Variants in HS2ST1 observed in about 807,000 individuals in gnomAD.
HS2ST1 encodes the protein 2-O-sulfotransferase.
Under a neutral mutation model 42.9 loss-of-function variants are expected in HS2ST1, and 18 were observed. That is an observed-to-expected ratio of 0.42 (90% CI 0.29 to 0.62). The LOEUF (loss-of-function observed/expected upper bound fraction) is 0.62, where lower values mean the gene tolerates loss of function less well. Among genes scored for constraint, HS2ST1 ranks in the 20% least tolerant of loss-of-function variants. HS2ST1 has a pLI of 0.21. For missense variants in HS2ST1, 334 were observed against 433.8 expected (o/e 0.77, Z 2.04); for synonymous variants, 146 against 152.9 (o/e 0.95, Z 0.33).
At chr1:87,019,194 G>A (rs1006651373) in intron 1 of HS2ST1, among the ~76,000 whole-genome samples, 1 of 152,192 alleles carries the variant, frequency 6.6e-6, no homozygotes, top group African/African-American at 2.4e-5. Flanking sequence ...GCTTATCACT[G>A]TATAGTACTT....
chr1:87,104,611 C>T lies in HS2ST1; in HGVS notation c.986C>T (p.Ala329Val). 1 of 1,613,318 alleles carries T rather than the reference C, an allele frequency of 6.2e-7. No homozygotes were observed. Among genetic ancestry groups the T allele is most frequent in the Middle Eastern group, 1.7e-4 (1 of 6,060 alleles). The change falls in exon 7 of 7, where the codon GCC (alanine) becomes GTC (valine). Residue 329 changes from alanine (A) to valine (V), a missense_variant. Physicochemically the swap from Ala to Val is moderately conservative, Grantham distance 64. Coordinates refer to ENST00000370550, the MANE Select transcript of HS2ST1 (RefSeq NM_012262.4). ...CTAGAGCAGTTCCAATTCATCAGAG[C>T]CCATGCCGTTCGAGAAAAAGATGGA... ...FALEQFQFIR[A>V]HAVREKDGDL... is the part of the protein sequence containing the mutation.
intron 1 of HS2ST1, among the ~76,000 whole-genome samples, chr1:86,935,985 A>G (rs540622226): frequency 6.6e-6 from 1 of 152,332 alleles, no homozygotes; most frequent in South Asian, 2.1e-4. Flanking sequence ...GATACTATTA[A>G]TTAAACTATA....
Position 86,954,654 on chromosome 1 carries a change from C to CAA in HS2ST1, c.124+39496_124+39497dup, listed in dbSNP as rs753965006. Among the ~76,000 whole-genome samples the CAA allele has an allele frequency of 5.7e-4, 87 of 152,226 alleles. 1 individual carries two copies. The highest frequency in any genetic ancestry group is 1.9e-3 in the Admixed American group (29 of 15,282). ...ATTCATTGGTTAGAATTGGCTAAGTCAAAGCACCAGTCTGTTTTGTTCCAC... is the reference window on the plus strand; with the variant it reads ...ATTCATTGGTTAGAATTGGCTAAGTCAAAAAGCACCAGTCTGTTTTGTTCCAC... On this transcript the variant is annotated intron_variant, in intron 1 of 6. Transcript: ENST00000370550.
chr1:86,963,569 C>G (rs1647920969), intron 1 of HS2ST1, among the ~76,000 whole-genome samples: 1 of 152,238 alleles, frequency 6.6e-6, no homozygotes, highest in African/African-American at 2.4e-5. Context: ...TACACAGACA[C>G]AGCAATAATC....
At chr1:86,993,839 G>T (rs1272378732) in intron 1 of HS2ST1, among the ~76,000 whole-genome samples, 1 of 152,098 alleles carries the variant, frequency 6.6e-6, no homozygotes, top group Non-Finnish European at 1.5e-5. Flanking sequence ...AGACAAAAAA[G>T]ATTTATCTTC....
rs185564086 is a variant in HS2ST1 at position 87,096,550 on chromosome 1, T to C, written c.589-1288T>C. Among the ~76,000 whole-genome samples, 5 of 152,362 alleles carry C rather than the reference T, an allele frequency of 3.3e-5. No homozygotes were observed. The East Asian group carries it at 5.8e-4, about 18-fold the overall frequency. ...TGCTTGAAAGCTTAATTTTTATCATTGGCCTATCACAGGATTTCTCAACCT... is the reference window on the plus strand; with the variant it reads ...TGCTTGAAAGCTTAATTTTTATCATCGGCCTATCACAGGATTTCTCAACCT... On this transcript the variant is annotated intron_variant, in intron 4 of 6. Transcript: ENST00000370550.
chr1:86,978,777 A>G (rs1346625050), intron 1 of HS2ST1, among the ~76,000 whole-genome samples: 4 of 151,814 alleles, frequency 2.6e-5, no homozygotes, highest in Non-Finnish European at 4.4e-5. Context: ...GCAGGACTGT[A>G]TCTCAGTCCC....
At chr1:87,070,945 A>G (rs972294135) in intron 1 of HS2ST1, among the ~76,000 whole-genome samples, 3 of 152,172 alleles carry the variant, frequency 2.0e-5, no homozygotes, top group Admixed American at 6.6e-5. Context: ...CTGTACACCT[A>G]TAAACCCAAT....
rs566848692 is a variant in HS2ST1, at chr1:86,915,288, C to A, written c.124+128C>A. On this transcript the variant is annotated intron_variant, in intron 1 of 6. Transcript: ENST00000370550. Reference sequence around the variant, plus strand: ...GGCTGAAAGCGGTTTCAAAGAGAACCGGGAACAAGGGGCAGCGAGAGCACG... The same window carrying A: ...GGCTGAAAGCGGTTTCAAAGAGAACAGGGAACAAGGGGCAGCGAGAGCACG... 2.5e-5 allele frequency: 26 copies of A among 1,052,762 alleles called. 1 individual carries two copies. In the South Asian group the frequency reaches 3.3e-4, roughly 13 times the overall value. The allele number at this position is 1,052,762 out of a possible 1,614,324, so 65.2% of individuals were successfully genotyped here.
chr1:87,067,647 C>T (rs930287937), intron 1 of HS2ST1, among the ~76,000 whole-genome samples: 2 of 151,926 alleles, frequency 1.3e-5, no homozygotes, highest in African/African-American at 4.8e-5. Flanking sequence ...TTTGCCCATG[C>T]CTATGTCCTG....
intron 1 of HS2ST1, among the ~76,000 whole-genome samples, chr1:86,986,196 T>C (rs1017470460): frequency 5.3e-5 from 8 of 152,250 alleles, no homozygotes; most frequent in Admixed American, 5.2e-4. Context: ...GATTTAAGGT[T>C]TATCAGTGGG....
rs376518413 is a variant in HS2ST1, at chr1:86,985,451, TACACAC to T, written c.124+70293_124+70298del. On this transcript the variant is annotated intron_variant, in intron 1 of 6. Transcript: ENST00000370550. ...ATATACACACATATATACACATATA[TACACAC>T]ATATATACACATATATACACATATA... Among the ~76,000 whole-genome samples the T allele has an allele frequency of 6.3e-3, 328 of 52,404 alleles. 2 individuals are homozygous for T. Among genetic ancestry groups the T allele is most frequent in the African/African-American group, 0.015 (318 of 21,240 alleles). 34.4% of individuals were successfully genotyped at this position (52,404 alleles called of 152,430 possible). A position where few individuals can be genotyped will look rare whatever the true frequency, so the allele number is the denominator to read the frequency against.
intron 1 of HS2ST1, among the ~76,000 whole-genome samples, chr1:86,924,598 C>T (rs148289775): frequency 0.022 from 3,317 of 152,236 alleles, 43 homozygotes; most frequent in South Asian, 0.054. Context: ...TCTGTGCACT[C>T]GCAGGCTCAA....
chr1:87,000,580 CA>C (rs1456222694), intron 1 of HS2ST1, among the ~76,000 whole-genome samples: 1 of 152,048 alleles, frequency 6.6e-6, no homozygotes. Flanking sequence ...CTTCCTGTTC[CA>C]AAAAAATGAT....
chr1:87,068,464 C>G (rs1476417858), intron 1 of HS2ST1, among the ~76,000 whole-genome samples: 1 of 152,038 alleles, frequency 6.6e-6, no homozygotes, highest in African/African-American at 2.4e-5. Flanking sequence ...TGGGCTGAGA[C>G]GATGGGGTTT....
chr1:86,917,532 C>A lies in HS2ST1; in HGVS notation c.124+2372C>A, dbSNP rs549800006. ...AGACTCAGTCTCAAAAAAAAAAAAA[C>A]CAAAGAACAACAGAAAGCCATTTTT... On this transcript the variant is annotated intron_variant, in intron 1 of 6. Coordinates refer to ENST00000370550, the MANE Select transcript of HS2ST1 (RefSeq NM_012262.4). 1.3e-4 allele frequency among the ~76,000 whole-genome samples: 18 copies of A among 143,514 alleles called. No homozygotes were observed. The South Asian group carries it at 1.7e-3, about 14-fold the overall frequency. 94.2% of individuals were successfully genotyped at this position (143,514 alleles called of 152,430 possible). A position where few individuals can be genotyped will look rare whatever the true frequency, so the allele number is the denominator to read the frequency against.
At chr1:87,046,264 A>C (rs1472801596) in intron 1 of HS2ST1, 3 of 767,692 alleles carry the variant, frequency 3.9e-6, no homozygotes, top group Non-Finnish European at 4.7e-6. Context: ...AAGTGTTACG[A>C]ATGTCATCCT....
intron 1 of HS2ST1, among the ~76,000 whole-genome samples, chr1:87,060,540 A>T (rs1336050160): frequency 1.3e-5 from 2 of 152,132 alleles, no homozygotes; most frequent in East Asian, 3.9e-4. Flanking sequence ...TTAAATGGGG[A>T]TAATAATTCT....
At chr1:86,946,142 C>G (rs1373427070) in intron 1 of HS2ST1, among the ~76,000 whole-genome samples, 2 of 151,852 alleles carry the variant, frequency 1.3e-5, no homozygotes, top group African/African-American at 2.4e-5. Flanking sequence ...TTTTTTAATC[C>G]AAACGTAGCA....
Sources: gnomAD v4.1 joint callset for allele counts (sites outside exome capture counted in the v4.1 genomes callset) on GRCh38, gnomAD v4.1.1 for gene constraint, MANE v1.5 for transcripts, NCBI Gene and HGNC (gene_info 2026-07-23, HGNC 2026-07-21) for gene names.